FOXN3: variants seen among roughly 807,000 people sequenced by gnomAD.
FOXN3 encodes the protein forkhead box protein N3.
FOXN3 carries 7 observed loss-of-function variants against 38.4 expected under a neutral mutation model. The observed-to-expected ratio is 0.18, with a 90% confidence interval of 0.10 to 0.34. The LOEUF is 0.34. FOXN3 is among the 10% of genes least tolerant of loss of function. The pLI is 1.00. For synonymous variants in FOXN3, 230 were observed against 242.2 expected, an observed-to-expected ratio of 0.95 and a Z score of 0.47; for missense variants, 456 against 613.4, an observed-to-expected ratio of 0.74 and a Z score of 2.71.
intron 1 of FOXN3, among the ~76,000 whole-genome samples, chr14:89,424,644 G>A (rs1486584966): frequency 6.6e-6 from 1 of 151,516 alleles, no homozygotes; most frequent in Non-Finnish European, 1.5e-5. Flanking sequence ...TTGGGAGGTC[G>A]AGGCTGGGGA....
intron 1 of FOXN3, among the ~76,000 whole-genome samples, chr14:89,553,515 C>T (rs1243969273): frequency 6.6e-6 from 1 of 150,954 alleles, no homozygotes; most frequent in Non-Finnish European, 1.5e-5. Flanking sequence ...TGACCAAATA[C>T]TAACTTTTAA....
At chr14:89,281,736 C>G (rs79406488) in intron 3 of FOXN3, among the ~76,000 whole-genome samples, 3,208 of 152,144 alleles carry the variant, frequency 0.021, 45 homozygotes, top group Non-Finnish European at 0.029. Flanking sequence ...ACCAAGCCAG[C>G]CTTAGTAAAA....
At chr14:89,228,459 C>A (rs1884707548) in intron 4 of FOXN3, among the ~76,000 whole-genome samples, 1 of 152,108 alleles carries the variant, frequency 6.6e-6, no homozygotes, top group Non-Finnish European at 1.5e-5. Context: ...GCTTGCTGGG[C>A]CATTTCAACA....
chr14:89,342,899 C>T (rs1328476179), intron 3 of FOXN3, among the ~76,000 whole-genome samples: 4 of 152,178 alleles, frequency 2.6e-5, no homozygotes, highest in Non-Finnish European at 5.9e-5. Flanking sequence ...AAAACTATTT[C>T]GGGTTTCCAT....
At chr14:89,237,240 C>A (rs1355661001) in intron 4 of FOXN3, among the ~76,000 whole-genome samples, 1 of 152,194 alleles carries the variant, frequency 6.6e-6, no homozygotes, top group African/African-American at 2.4e-5. Flanking sequence ...GATACCCCTT[C>A]AACATTATTA....
intron 3 of FOXN3, chr14:89,284,318 C>T (rs1420623458): frequency 2.7e-5 from 10 of 365,478 alleles, no homozygotes. Context: ...CCACCTTCCC[C>T]GTTCTATAGG....
intron 1 of FOXN3, among the ~76,000 whole-genome samples, chr14:89,440,924 A>G (rs1892370119): frequency 6.6e-6 from 1 of 152,178 alleles, no homozygotes; most frequent in African/African-American, 2.4e-5. Context: ...AGGTGATGCT[A>G]ACTAGGCTGT....
intron 2 of FOXN3, among the ~76,000 whole-genome samples, chr14:89,366,022 C>T (rs1322380762): frequency 3.3e-5 from 5 of 152,044 alleles, no homozygotes; most frequent in African/African-American, 9.7e-5. Context: ...GAGGCCGAGG[C>T]GGGTGGATCA....
At chr14:89,188,532 C>G (rs934729333) in intron 4 of FOXN3, among the ~76,000 whole-genome samples, 2 of 152,178 alleles carry the variant, frequency 1.3e-5, no homozygotes, top group African/African-American at 4.8e-5. Flanking sequence ...ACAGAAATTT[C>G]TAAAAATGGG....
chr14:89,496,406 G>A (rs1213091027), intron 1 of FOXN3, among the ~76,000 whole-genome samples: 1 of 152,052 alleles, frequency 6.6e-6, no homozygotes, highest in East Asian at 1.9e-4. Flanking sequence ...GATCATCTCA[G>A]CCTGCTCACT....
intron 1 of FOXN3, among the ~76,000 whole-genome samples, chr14:89,616,167 C>G (rs1432387603): frequency 1.3e-5 from 2 of 150,968 alleles, no homozygotes; most frequent in African/African-American, 4.9e-5. Context: ...AGTACAGGGC[C>G]TCTGGTTATT....
chr14:89,485,068 C>T (rs1893417586), intron 1 of FOXN3, among the ~76,000 whole-genome samples: 1 of 150,670 alleles, frequency 6.6e-6, no homozygotes, highest in Non-Finnish European at 1.5e-5. Flanking sequence ...AGGAGAACAG[C>T]TTGAACCTGG....
At chr14:89,188,373 C>T (rs921923112) in intron 4 of FOXN3, among the ~76,000 whole-genome samples, 7 of 152,092 alleles carry the variant, frequency 4.6e-5, no homozygotes, top group African/African-American at 1.2e-4. Context: ...TAATCATGGA[C>T]GTTTATGGAA....
chr14:89,457,945 T>TGGAGGTTGCAGTGAGC (rs990473405), intron 1 of FOXN3, among the ~76,000 whole-genome samples: 1 of 133,928 alleles, frequency 7.5e-6, no homozygotes, highest in African/African-American at 2.9e-5. Flanking sequence ...ACCTGGGAGG[T>TGGAGGTTGCAGTGAGC]GGAGGTTGCA....
intron 1 of FOXN3, among the ~76,000 whole-genome samples, chr14:89,602,871 C>T (rs1002931302): frequency 2.0e-5 from 3 of 152,108 alleles, no homozygotes; most frequent in Non-Finnish European, 2.9e-5. Flanking sequence ...TTAGATTATA[C>T]AAACATAAAA....
chr14:89,613,637 C>G (rs955061824), intron 1 of FOXN3, among the ~76,000 whole-genome samples: 1 of 152,062 alleles, frequency 6.6e-6, no homozygotes, highest in Non-Finnish European at 1.5e-5. Context: ...TTTTTCCCAG[C>G]ACAAATTGTT....
intron 5 of FOXN3, among the ~76,000 whole-genome samples, chr14:89,171,713 A>C (rs1454490672): frequency 7.9e-5 from 12 of 152,222 alleles, no homozygotes; most frequent in Admixed American, 7.9e-4. Flanking sequence ...AAAATATCAC[A>C]GCAAAGTATG....
chr14:89,561,501 C>A (rs1895248063), intron 1 of FOXN3, among the ~76,000 whole-genome samples: 1 of 152,362 alleles, frequency 6.6e-6, no homozygotes, highest in Non-Finnish European at 1.5e-5. Context: ...CGTGAGCCAC[C>A]ACGCTTGACG....
chr14:89,375,818 G>T (rs1471196738), intron 2 of FOXN3, among the ~76,000 whole-genome samples: 3 of 152,030 alleles, frequency 2.0e-5, no homozygotes, highest in Non-Finnish European at 4.4e-5. Flanking sequence ...TGCCCAGGCT[G>T]GGATGCAATG....
Sources: gnomAD v4.1 joint callset for allele counts (sites outside exome capture counted in the v4.1 genomes callset) on GRCh38, gnomAD v4.1.1 for gene constraint, MANE v1.5 for transcripts, NCBI Gene and HGNC (gene_info 2026-07-23, HGNC 2026-07-21) for gene names.